SH3GL1: variants seen among roughly 807,000 people sequenced by gnomAD.
The protein encoded by SH3GL1 is endophilin-A2.
SH3GL1 carries 21 observed loss-of-function variants against 48.8 expected under a neutral mutation model. The observed-to-expected ratio is 0.43, with a 90% confidence interval of 0.30 to 0.62. The LOEUF is 0.62. Among genes scored for constraint, SH3GL1 ranks in the 20% least tolerant of loss-of-function variants. The pLI is 0.11. For synonymous variants in SH3GL1, 282 were observed against 217.5 expected (o/e 1.30, Z -2.61); for missense variants, 454 against 503.0 (o/e 0.90, Z 0.93).
chr19:4,374,243 G>A (rs1253724009), intron 1 of SH3GL1, among the ~76,000 whole-genome samples: 3 of 152,224 alleles, frequency 2.0e-5, no homozygotes, highest in Non-Finnish European at 4.4e-5. Flanking sequence ...TCACGCAGAC[G>A]AAGTGGTGAC....
chr19:4,363,567 T>TGAGAGGGGACAGGGGACTGGGGCCC, intron 6 of SH3GL1, 94 bp from the exon 7 acceptor site: 1 of 1,454,726 alleles, frequency 6.9e-7, no homozygotes, highest in South Asian at 1.1e-5. Flanking sequence ...GCAAGGGGGC[T>TGAGAGGGGACAGGGGACTGGGGCCC]GAGAGGGGAC....
intron 1 of SH3GL1, among the ~76,000 whole-genome samples, chr19:4,369,092 A>C (rs1318209929): frequency 6.6e-6 from 1 of 152,058 alleles, no homozygotes; most frequent in Non-Finnish European, 1.5e-5. Flanking sequence ...AGAAAGAAAA[A>C]AAAAATCACC....
At position 4,386,060 on chromosome 19, in the gene SH3GL1, G is replaced by C. The variant is rs146917774; in HGVS notation, c.45+14264C>G. 1.4e-3 allele frequency among the ~76,000 whole-genome samples: 216 copies of C among 152,336 alleles called. 1 individual carries two copies. Among genetic ancestry groups the C allele is most frequent in the Non-Finnish European group, 2.3e-3 (154 of 68,030 alleles). ...CAGGAGAGGATGAAGATGATCTTAT[G>C]CCAGGGTGGGTGAAGGTTGGGAGAT... is the stretch of plus-strand genomic sequence containing the variant. On this transcript the variant is annotated intron_variant, in intron 1 of 9. Transcript: ENST00000269886.
At chr19:4,374,457 A>G (rs1318197179) in intron 1 of SH3GL1, among the ~76,000 whole-genome samples, 2 of 152,218 alleles carry the variant, frequency 1.3e-5, no homozygotes, top group African/African-American at 4.8e-5. Context: ...GCGGGAGTCC[A>G]GCCCACACTG....
chr19:4,375,000 C>CA (rs1972979093), intron 1 of SH3GL1, among the ~76,000 whole-genome samples: 1 of 152,202 alleles, frequency 6.6e-6, no homozygotes, highest in Admixed American at 6.5e-5. Context: ...TAATGACCGG[C>CA]AGCCCTGGGG....
chr19:4,383,380 ATTTT>A lies in SH3GL1; in HGVS notation c.46-16390_46-16387del, dbSNP rs879886532. Among the ~76,000 whole-genome samples, 17 of 146,970 alleles carry A rather than the reference ATTTT, an allele frequency of 1.2e-4. No individual in the cohort carries two copies. In the East Asian group the frequency reaches 3.2e-3, roughly 28 times the overall value. On this transcript the variant is annotated intron_variant, in intron 1 of 9. Transcript: ENST00000269886. ...CAGGCGTGCATCACCACACAGAGTT[ATTTT>A]TTTTTTTATTTTTTATTTTTTGGTA...
intron 1 of SH3GL1, among the ~76,000 whole-genome samples, chr19:4,379,581 T>G (rs1013500979): frequency 6.6e-6 from 1 of 152,072 alleles, no homozygotes; most frequent in Non-Finnish European, 1.5e-5. Flanking sequence ...TCTCTCCTGT[T>G]TCCCAATCAA....
chr19:4,389,304 G>A lies in SH3GL1; in HGVS notation c.45+11020C>T, dbSNP rs546692765. ...TGGGTGGGGGACCCCGAGGCCAGAA[G>A]CTCCAAGGGCTGAGAACTCAGTTCC... On this transcript the variant is annotated intron_variant, in intron 1 of 9. Coordinates refer to ENST00000269886, the MANE Select transcript of SH3GL1 (RefSeq NM_003025.4). The surrounding 1 kb of genome is among the most constrained non-coding windows in gnomAD (Gnocchi z 4.5). 5.8e-4 allele frequency among the ~76,000 whole-genome samples: 88 copies of A among 152,332 alleles called. 1 individual carries two copies. Among genetic ancestry groups the A allele is most frequent in the African/African-American group, 2.0e-3 (84 of 41,578 alleles).
At chr19:4,383,371 C>A (rs190844025) in intron 1 of SH3GL1, among the ~76,000 whole-genome samples, 2 of 152,106 alleles carry the variant, frequency 1.3e-5, no homozygotes, top group Admixed American at 1.3e-4. Context: ...TGCATCACCA[C>A]ACAGAGTTAT....
chr19:4,372,179 T>C (rs566691199), intron 1 of SH3GL1, among the ~76,000 whole-genome samples: 7 of 152,044 alleles, frequency 4.6e-5, no homozygotes, highest in Admixed American at 1.3e-4. Flanking sequence ...CTGGGGACCA[T>C]AGGAGGGGGT....
Position 4,371,917 on chromosome 19 carries a change from G to A in SH3GL1, c.46-4923C>T, listed in dbSNP as rs371840124. 2.7e-4 allele frequency among the ~76,000 whole-genome samples: 41 copies of A among 152,366 alleles called. No homozygotes were observed. The South Asian group carries it at 5.4e-3, about 20-fold the overall frequency. ...CCTCGCCCAGTGCCAGGCACAGAGC[G>A]GAGAAATGGCAGGTGGGCACGGCTG... On this transcript the variant is annotated intron_variant, in intron 1 of 9. Transcript: ENST00000269886.
At chr19:4,392,088 G>C (rs1048166369) in intron 1 of SH3GL1, among the ~76,000 whole-genome samples, 2 of 152,152 alleles carry the variant, frequency 1.3e-5, no homozygotes, top group African/African-American at 2.4e-5. Flanking sequence ...TGGACTCACC[G>C]GCCTTGTCCC....
At chr19:4,399,823 C>T (rs1973489923) in intron 1 of SH3GL1, among the ~76,000 whole-genome samples, 2 of 152,344 alleles carry the variant, frequency 1.3e-5, no homozygotes, top group South Asian at 4.1e-4. Context: ...ATGACAGTCG[C>T]TTGTCTCTGG....
Position 4,366,571 on chromosome 19 carries a change from C to G in SH3GL1, c.117G>C (p.Lys39Asn). Residue 39 changes from lysine to asparagine, a missense_variant and splice_region_variant, in exon 3 of 10, where the codon AAG becomes AAC. Physicochemically the swap from Lys to Asn is moderately conservative, Grantham distance 94 (BLOSUM62 0). Coordinates refer to ENST00000269886, the MANE Select transcript of SH3GL1 (RefSeq NM_003025.4). ...LDDDFKEMEKKVDVTSKAVTE... is the reference protein window; with the variant it reads ...LDDDFKEMEKNVDVTSKAVTE... ...TCACCGCCTTGCTGGTGACATCCAC[C>G]TTCTGTGAAGAGAAGCAGCATATAA... is the stretch of plus-strand genomic sequence containing the variant. 6.2e-7 allele frequency: 1 copy of G among 1,611,890 alleles called. No individual in the cohort carries two copies. Among genetic ancestry groups the G allele is most frequent in the Non-Finnish European group, 8.5e-7 (1 of 1,179,388 alleles).
intron 7 of SH3GL1, 127 bp downstream of exon 7, chr19:4,363,243 T>C: frequency 1.3e-6 from 1 of 764,232 alleles, no homozygotes; most frequent in Non-Finnish European, 2.2e-6. Context: ...TTCCACTCAG[T>C]CCCCAGGAAG....
At chr19:4,394,850 G>A (rs775627594) in intron 1 of SH3GL1, among the ~76,000 whole-genome samples, 5 of 152,294 alleles carry the variant, frequency 3.3e-5, no homozygotes, top group Non-Finnish European at 5.9e-5. Context: ...CCTTTGCAGC[G>A]GGGGGAAGCT....
At chr19:4,396,554 G>A (rs1380708299) in intron 1 of SH3GL1, among the ~76,000 whole-genome samples, 1 of 151,806 alleles carries the variant, frequency 6.6e-6, no homozygotes, top group Non-Finnish European at 1.5e-5. Flanking sequence ...CCAAACTGCT[G>A]GGATTAAAGG....
intron 1 of SH3GL1, among the ~76,000 whole-genome samples, chr19:4,399,512 AC>A (rs1251643563): frequency 6.6e-6 from 1 of 151,922 alleles, no homozygotes; most frequent in African/African-American, 2.4e-5. Context: ...TTCTAAGGGG[AC>A]ACACGGTGAT....
Position 4,365,551 on chromosome 19 carries a change from G to T in SH3GL1, c.262C>A (p.Gln88Lys). 1 of 1,614,090 alleles carries T rather than the reference G, an allele frequency of 6.2e-7. No individual in the cohort carries two copies. The highest frequency in any genetic ancestry group is 1.1e-5 in the South Asian group (1 of 91,086). The change falls in exon 4 of 10, where the codon CAG becomes AAG. Residue 88 changes from glutamine (Q) to lysine (K), a missense_variant. Physicochemically the swap from Gln to Lys is moderately conservative, Grantham distance 53 (BLOSUM62 1). Transcript: ENST00000269886. ...CACTCGCCCAGAAGCCCCTCCGACT[G>T]CGGGTAGCCGGGGTTCTTCACCTGG... ...RGQVKNPGYP[Q>K]SEGLLGECMI...
Sources: gnomAD v4.1 joint callset for allele counts (sites outside exome capture counted in the v4.1 genomes callset) on GRCh38, gnomAD v4.1.1 for gene constraint, Gnocchi (gnomAD v3.1) non-coding constraint, MANE v1.5 for transcripts, NCBI Gene and HGNC (gene_info 2026-07-23, HGNC 2026-07-21) for gene names.